RIGI: variants seen among roughly 807,000 people sequenced by gnomAD.
RIGI encodes the protein RNA sensor RIG-I.
chr9:32,459,090 T>A, the RIGI span, among the ~76,000 whole-genome samples: 2 of 150,204 alleles, frequency 1.3e-5, no homozygotes, highest in Non-Finnish European at 3.0e-5. Context: ...GGTTTCACCA[T>A]GTTGGCCGGG....
chr9:32,491,214 G>C, the RIGI span: 4 of 1,461,996 alleles, frequency 2.7e-6, no homozygotes, highest in South Asian at 5.3e-5. Context: ...TTTTCACAAG[G>C]CTGTGACTTT....
At chr9:32,501,348 T>C in the RIGI span, among the ~76,000 whole-genome samples, 2 of 63,452 alleles carry the variant, frequency 3.2e-5, no homozygotes, top group Non-Finnish European at 1.0e-4. Flanking sequence ...AAAAAAAAAT[T>C]TTTTTAATTA....
At chr9:32,492,106 C>T in the RIGI span, among the ~76,000 whole-genome samples, 2 of 152,314 alleles carry the variant, frequency 1.3e-5, no homozygotes, top group South Asian at 2.1e-4. Flanking sequence ...ATAATCTAAA[C>T]TTAGACTGAG....
At chr9:32,495,200 T>C in the RIGI span, among the ~76,000 whole-genome samples, 3 of 152,078 alleles carry the variant, frequency 2.0e-5, no homozygotes, top group Non-Finnish European at 4.4e-5. Flanking sequence ...ATTTTCTGTT[T>C]TTATTTTATT....
the RIGI span, among the ~76,000 whole-genome samples, chr9:32,459,109 G>C: frequency 1.5e-5 from 2 of 135,174 alleles, no homozygotes; most frequent in Non-Finnish European, 3.4e-5. Context: ...GGCTGGTCTC[G>C]AACTCCTGAC....
chr9:32,516,391 C>A, the RIGI span, among the ~76,000 whole-genome samples: 1 of 152,178 alleles, frequency 6.6e-6, no homozygotes, highest in African/African-American at 2.4e-5. Flanking sequence ...CCAGGAGGAC[C>A]TAGGCCAAAC....
the RIGI span, among the ~76,000 whole-genome samples, chr9:32,517,626 G>A: frequency 7.2e-5 from 11 of 152,262 alleles, 1 homozygote; most frequent in African/African-American, 2.6e-4. Context: ...GATAATTTGA[G>A]GTATCAGAGT....
At chr9:32,474,941 T>C in the RIGI span, among the ~76,000 whole-genome samples, 1 of 152,132 alleles carries the variant, frequency 6.6e-6, no homozygotes, top group African/African-American at 2.4e-5. Context: ...ATTTTATCTT[T>C]ATGTATTTTT....
the RIGI span, among the ~76,000 whole-genome samples, chr9:32,459,832 G>A: frequency 1.3e-5 from 2 of 151,452 alleles, no homozygotes; most frequent in African/African-American, 4.9e-5. Context: ...CAAAACTTGG[G>A]AAAAAAAACA....
chr9:32,495,058 T>C, the RIGI span, among the ~76,000 whole-genome samples: 5 of 152,228 alleles, frequency 3.3e-5, no homozygotes, highest in Admixed American at 6.5e-5. Context: ...AATTGCTGGA[T>C]CATATGGTGA....
the RIGI span, chr9:32,467,735 T>C: frequency 2.3e-4 from 361 of 1,540,706 alleles, 5 homozygotes; most frequent in East Asian, 8.1e-3. Flanking sequence ...AGAATCCATG[T>C]AGGAATGGCC....
At chr9:32,457,247 G>C in the RIGI span, 2 of 1,614,070 alleles carry the variant, frequency 1.2e-6, no homozygotes, top group South Asian at 2.2e-5. Context: ...TTTATAACTG[G>C]AATCTCAAAT....
chr9:32,511,299 C>T, the RIGI span, among the ~76,000 whole-genome samples: 1 of 152,178 alleles, frequency 6.6e-6, no homozygotes, highest in South Asian at 2.1e-4. Flanking sequence ...CTCAGCACCA[C>T]ATCATACTTA....
chr9:32,487,032 T>C, the RIGI span, among the ~76,000 whole-genome samples: 18 of 152,140 alleles, frequency 1.2e-4, no homozygotes, highest in African/African-American at 4.3e-4. Flanking sequence ...TATTAAAAAA[T>C]CATATCTGAT....
chr9:32,496,633 T>C, the RIGI span, among the ~76,000 whole-genome samples: 1 of 152,226 alleles, frequency 6.6e-6, no homozygotes, highest in Non-Finnish European at 1.5e-5. Flanking sequence ...TCCACAATCA[T>C]GTGAGCCAAT....
chr9:32,485,044 A>G, the RIGI span: 1 of 629,178 alleles, frequency 1.6e-6, no homozygotes, highest in Non-Finnish European at 2.7e-6. Flanking sequence ...TAAATAACCT[A>G]TAATCAAGGA....
chr9:32,484,529 A>C, the RIGI span, among the ~76,000 whole-genome samples: 1 of 152,074 alleles, frequency 6.6e-6, no homozygotes, highest in African/African-American at 2.4e-5. Context: ...GGGGGAAATC[A>C]GCCCCTCCTG....
At chr9:32,476,867 C>G in the RIGI span, 1 of 889,608 alleles carries the variant, frequency 1.1e-6, no homozygotes, top group Non-Finnish European at 1.7e-6. Context: ...AGCAATTCTC[C>G]TGCCTTGATT....
chr9:32,495,527 G>A, the RIGI span, among the ~76,000 whole-genome samples: 1 of 124,440 alleles, frequency 8.0e-6, no homozygotes. Flanking sequence ...AGAAGCCATT[G>A]TAATGGGGGT....
Sources: allele counts gnomAD v4.1 joint callset (sites outside exome capture counted in the v4.1 genomes callset), GRCh38; gene constraint gnomAD v4.1.1; transcripts MANE v1.5; gene names NCBI Gene and HGNC (gene_info 2026-07-23, HGNC 2026-07-21).